The following GRIP1 variants were observed in gnomAD, a reference collection of about 807,000 sequenced individuals.
GRIP1 encodes glutamate receptor-interacting protein 1.
GRIP1 carries 45 observed loss-of-function variants against 129.9 expected under a neutral mutation model. The ratio of observed to expected loss-of-function variants is 0.35; its 90% CI spans 0.27 to 0.44. The LOEUF (loss-of-function observed/expected upper bound fraction) is 0.44, where lower values mean the gene tolerates loss of function less well. Ranked by LOEUF, GRIP1 falls within the 20% of genes least tolerant of loss-of-function variation. GRIP1 has a pLI of 1.00. For synonymous variants in GRIP1, 530 were observed against 520.8 expected (o/e 1.02, Z -0.24); for missense variants, 1,196 against 1,396.8 (o/e 0.86, Z 2.29).
At chr12:66,749,240 G>A (rs1172367848) in intron 1 of GRIP1, among the ~76,000 whole-genome samples, 1 of 152,108 alleles carries the variant, frequency 6.6e-6, no homozygotes, top group Admixed American at 6.6e-5. Context: ...TAATTCCAAG[G>A]ACAACATCTA....
At chr12:66,875,858 T>A (rs1254713710) in intron 1 of GRIP1, among the ~76,000 whole-genome samples, 2 of 152,094 alleles carry the variant, frequency 1.3e-5, no homozygotes, top group South Asian at 2.1e-4. Context: ...ATAGAATTTG[T>A]GTGCTACTAA....
chr12:66,802,828 G>A (rs754557435), intron 1 of GRIP1, among the ~76,000 whole-genome samples: 2 of 152,172 alleles, frequency 1.3e-5, no homozygotes, highest in South Asian at 2.1e-4. Flanking sequence ...GATATAGTAC[G>A]GAAACAAAAT....
At chr12:66,540,033 C>T (rs1197758946) in intron 3 of GRIP1, among the ~76,000 whole-genome samples, 1 of 152,334 alleles carries the variant, frequency 6.6e-6, no homozygotes, top group South Asian at 2.1e-4. Flanking sequence ...TCCAATCATT[C>T]CTCCTTCAAA....
intron 1 of GRIP1, among the ~76,000 whole-genome samples, chr12:67,011,081 G>T (rs2042699860): frequency 6.6e-6 from 1 of 152,092 alleles, no homozygotes; most frequent in Admixed American, 6.6e-5. Flanking sequence ...CTCCAGAGTG[G>T]CACATCCAAC....
At chr12:66,580,730 C>T (rs61926063) in intron 2 of GRIP1, among the ~76,000 whole-genome samples, 2 of 150,988 alleles carry the variant, frequency 1.3e-5, no homozygotes, top group South Asian at 4.3e-4. Context: ...TATATGCACC[C>T]AATACAGGAG....
intron 1 of GRIP1, among the ~76,000 whole-genome samples, chr12:66,872,236 C>T (rs1465789529): frequency 6.6e-6 from 1 of 151,952 alleles, no homozygotes; most frequent in Non-Finnish European, 1.5e-5. Context: ...AGGGGGAGTC[C>T]TAACTATTTT....
intron 1 of GRIP1, among the ~76,000 whole-genome samples, chr12:66,865,104 A>G (rs1000577721): frequency 2.6e-5 from 4 of 152,136 alleles, no homozygotes; most frequent in Non-Finnish European, 5.9e-5. Context: ...TGGATAAGGG[A>G]ACTGTAAGAT....
At chr12:66,720,954 T>G (rs900881610) in intron 1 of GRIP1, among the ~76,000 whole-genome samples, 2 of 152,188 alleles carry the variant, frequency 1.3e-5, no homozygotes, top group African/African-American at 4.8e-5. Flanking sequence ...CCAAAAGGTT[T>G]TCAATTTACT....
At chr12:66,976,997 T>C (rs1024950410) in intron 1 of GRIP1, among the ~76,000 whole-genome samples, 3 of 152,192 alleles carry the variant, frequency 2.0e-5, no homozygotes, top group African/African-American at 7.2e-5. Context: ...ATATAAATTG[T>C]AGCTAATTCT....
rs576721289 is a variant in GRIP1 at position 66,831,105 on chromosome 12, C to T, written c.59-234178G>A. Reference sequence around the variant, plus strand: ...TTGGGCTAAAGCAATCCTCTCGCCTCGGCCTCCCAAAGTGCTGGTATTACA... The same window carrying T: ...TTGGGCTAAAGCAATCCTCTCGCCTTGGCCTCCCAAAGTGCTGGTATTACA... On this transcript the variant is annotated intron_variant, in intron 1 of 1. Transcript: ENST00000643019. Among the ~76,000 whole-genome samples, 14 of 152,194 alleles carry T rather than the reference C, an allele frequency of 9.2e-5. No homozygotes were observed. In the South Asian group the frequency reaches 1.0e-3, roughly 11 times the overall value.
intron 1 of GRIP1, among the ~76,000 whole-genome samples, chr12:66,644,251 G>A (rs972951738): frequency 2.6e-5 from 4 of 151,998 alleles, no homozygotes; most frequent in Non-Finnish European, 5.9e-5. Flanking sequence ...GGGGACACAG[G>A]GCCAAACCAT....
chr12:66,564,660 T>G (rs1351063722), intron 2 of GRIP1, among the ~76,000 whole-genome samples: 1 of 152,162 alleles, frequency 6.6e-6, no homozygotes, highest in Admixed American at 6.5e-5. Context: ...GATGGCTGGG[T>G]CAAATGGTAT....
At chr12:66,379,231 A>T (rs759173911) in intron 20 of GRIP1, 49 bp downstream of exon 20, 1 of 1,579,534 alleles carries the variant, frequency 6.3e-7, no homozygotes, top group Non-Finnish European at 8.7e-7. Flanking sequence ...TCTTGCCCAC[A>T]TGACCATGCA....
intron 1 of GRIP1, among the ~76,000 whole-genome samples, chr12:66,988,553 A>G (rs1384648064): frequency 6.6e-6 from 1 of 151,718 alleles, no homozygotes; most frequent in Non-Finnish European, 1.5e-5. Flanking sequence ...GTAATTTTTG[A>G]ATTTTTTGTA....
chr12:66,475,362 TC>T (rs2059572713), intron 7 of GRIP1, among the ~76,000 whole-genome samples: 1 of 152,028 alleles, frequency 6.6e-6, no homozygotes, highest in African/African-American at 2.4e-5. Flanking sequence ...AGACTTAGAC[TC>T]CCACACAATA....
intron 1 of GRIP1, among the ~76,000 whole-genome samples, chr12:66,891,719 C>T (rs1005814696): frequency 1.3e-5 from 2 of 152,116 alleles, no homozygotes; most frequent in Admixed American, 6.5e-5. Flanking sequence ...ATGGAGATTT[C>T]CTTCCTTCTC....
At chr12:66,540,380 T>C (rs906309951) in intron 3 of GRIP1, among the ~76,000 whole-genome samples, 1 of 152,234 alleles carries the variant, frequency 6.6e-6, no homozygotes, top group Non-Finnish European at 1.5e-5. Context: ...TTAATACAAC[T>C]GAAAATGCTA....
intron 1 of GRIP1, among the ~76,000 whole-genome samples, chr12:66,836,187 A>G (rs556155571): frequency 1.3e-5 from 2 of 152,208 alleles, no homozygotes; most frequent in African/African-American, 4.8e-5. Context: ...TCATAGACAA[A>G]ACCCACCTAT....
intron 1 of GRIP1, among the ~76,000 whole-genome samples, chr12:66,897,440 C>T (rs910932449): frequency 2.6e-5 from 4 of 152,214 alleles, no homozygotes; most frequent in African/African-American, 9.7e-5. Context: ...AGTTTAACAA[C>T]TGCACATGCT....
Sources: allele counts gnomAD v4.1 joint callset (sites outside exome capture counted in the v4.1 genomes callset), GRCh38; gene constraint gnomAD v4.1.1; transcripts MANE v1.5; gene names NCBI Gene and HGNC (gene_info 2026-07-23, HGNC 2026-07-21).